The following UNC5D variants were observed in gnomAD, a reference collection of about 807,000 sequenced individuals.
UNC5D encodes netrin receptor UNC5D.
In UNC5D, 39 loss-of-function variants were observed where a neutral mutation model predicts 105.4. The observed-to-expected ratio is 0.37, with a 90% CI of 0.29 to 0.48. The LOEUF (loss-of-function observed/expected upper bound fraction) is 0.48, where lower values mean the gene tolerates loss of function less well. Among genes scored for constraint, UNC5D ranks in the 20% least tolerant of loss-of-function variants. The pLI is 0.98. For synonymous variants in UNC5D, 452 were observed against 450.4 expected (o/e 1.00, Z -0.04); for missense variants, 991 against 1,202.4 (o/e 0.82, Z 2.60).
chr8:35,727,296 A>G (rs1342629536), intron 10 of UNC5D: 1 of 152,202 alleles, frequency 6.6e-6, no homozygotes, highest in Non-Finnish European at 1.5e-5. Context: ...AGAATTAGGT[A>G]GTGCACTGAA....
At chr8:35,563,889 G>T (rs1817139877) in intron 2 of UNC5D, among the ~76,000 whole-genome samples, 2 of 151,884 alleles carry the variant, frequency 1.3e-5, no homozygotes, top group Admixed American at 1.3e-4. Context: ...CTTATTTTTG[G>T]TTCTGTTAAT....
chr8:35,279,268 A>C (rs1309877319), intron 1 of UNC5D, among the ~76,000 whole-genome samples: 3 of 152,212 alleles, frequency 2.0e-5, no homozygotes, highest in African/African-American at 7.2e-5. Context: ...TGTTTCTGAA[A>C]GAAAAAGGTA....
chr8:35,791,943 G>C lies in UNC5D; in HGVS notation c.*1380G>C, dbSNP rs1482162035. On this transcript the variant is annotated 3_prime_UTR_variant, in exon 17 of 17. Coordinates refer to ENST00000404895, the MANE Select transcript of UNC5D (RefSeq NM_080872.4). Reference sequence around the variant, plus strand: ...CTTTTTATCCTATTAAATTATTTTTGACAAGATGTCCTGGTAGACTAAAGG... The same window carrying C: ...CTTTTTATCCTATTAAATTATTTTTCACAAGATGTCCTGGTAGACTAAAGG... 6.6e-6 allele frequency: 1 copy of C among 151,500 alleles called. No homozygotes were observed. Among genetic ancestry groups the C allele is most frequent in the African/African-American group, 2.4e-5 (1 of 41,180 alleles). The allele number at this position is 151,500 out of a possible 1,614,324, so 9.4% of individuals were successfully genotyped here.
chr8:35,796,070 C>T lies in UNC5D; in HGVS notation c.*5507C>T, dbSNP rs1803240100. ...TCTTTCAAGTGATTCACATCTCAAA[C>T]CCATACCACTCTCAACTTTTATTTG... On this transcript the variant is annotated 3_prime_UTR_variant, in exon 17 of 17. Coordinates refer to ENST00000404895, the MANE Select transcript of UNC5D (RefSeq NM_080872.4). 1 of 151,986 alleles carries T rather than the reference C, an allele frequency of 6.6e-6. No individual in the cohort carries two copies. The allele number at this position is 151,986 out of a possible 1,614,324, so 9.4% of individuals were successfully genotyped here.
chr8:35,412,956 C>T (rs1257529868), intron 1 of UNC5D, among the ~76,000 whole-genome samples: 1 of 152,086 alleles, frequency 6.6e-6, no homozygotes, highest in Non-Finnish European at 1.5e-5. Context: ...TGCTTCATAA[C>T]ACACGTGTGG....
chr8:35,751,764 C>T (rs757940168), intron 13 of UNC5D, among the ~76,000 whole-genome samples: 25 of 152,172 alleles, frequency 1.6e-4, no homozygotes, highest in South Asian at 2.1e-4. Context: ...GCTAAACTAA[C>T]GCATGTGCAG....
At chr8:35,361,267 A>T (rs1276356151) in intron 1 of UNC5D, among the ~76,000 whole-genome samples, 2 of 152,044 alleles carry the variant, frequency 1.3e-5, no homozygotes, top group East Asian at 3.9e-4. Context: ...AAATATTGTC[A>T]CCTTTCTCTG....
chr8:35,294,849 AC>A (rs1807348622), intron 1 of UNC5D, among the ~76,000 whole-genome samples: 1 of 152,026 alleles, frequency 6.6e-6, no homozygotes, highest in Non-Finnish European at 1.5e-5. Context: ...TCTTGGGAAC[AC>A]TCAGCATCAC....
chr8:35,401,483 C>T (rs1328146801), intron 1 of UNC5D, among the ~76,000 whole-genome samples: 1 of 152,124 alleles, frequency 6.6e-6, no homozygotes, highest in Admixed American at 6.5e-5. Context: ...GACTCCATCT[C>T]AAAAAGGGAA....
In UNC5D at chr8:35,672,361, T is replaced by A. The variant is rs149839181; in HGVS notation, c.571-11186T>A. ...AATACAGAAGCAGTTTTCATTGCCT[T>A]TAAAAGCCAGCTCCTTATAATCTAT... On this transcript the variant is annotated intron_variant, in intron 4 of 16. Transcript: ENST00000404895. 3.3e-5 allele frequency among the ~76,000 whole-genome samples: 5 copies of A among 152,300 alleles called. No individual in the cohort carries two copies. The East Asian group carries it at 9.7e-4, about 29-fold the overall frequency.
chr8:35,564,945 T>C (rs774058585), intron 2 of UNC5D, among the ~76,000 whole-genome samples: 1 of 152,216 alleles, frequency 6.6e-6, no homozygotes, highest in Non-Finnish European at 1.5e-5. Flanking sequence ...TTTTTGTGGC[T>C]GAGTGGCGCT....
chr8:35,466,178 T>C (rs1257917892), intron 1 of UNC5D, among the ~76,000 whole-genome samples: 2 of 152,158 alleles, frequency 1.3e-5, no homozygotes, highest in African/African-American at 2.4e-5. Context: ...CTCATGCTGA[T>C]CATAATGTTG....
At chr8:35,727,615 T>C (rs979815758) in intron 10 of UNC5D, 1 of 152,206 alleles carries the variant, frequency 6.6e-6, no homozygotes, top group Non-Finnish European at 1.5e-5. Context: ...CTTAAAATCT[T>C]CATTTCAAAA....
chr8:35,360,277 T>C (rs1307400003), intron 1 of UNC5D, among the ~76,000 whole-genome samples: 1 of 152,178 alleles, frequency 6.6e-6, no homozygotes, highest in East Asian at 1.9e-4. Context: ...CAAATGTGAA[T>C]CACCTTTCCA....
chr8:35,483,382 A>G (rs894378891), intron 1 of UNC5D, among the ~76,000 whole-genome samples: 2 of 152,212 alleles, frequency 1.3e-5, no homozygotes, highest in East Asian at 1.9e-4. Flanking sequence ...TAAATAGTTC[A>G]GAATAGTTTA....
At chr8:35,749,234 AG>A in intron 12 of UNC5D, among the ~76,000 whole-genome samples, 1 of 152,306 alleles carries the variant, frequency 6.6e-6, no homozygotes, top group Non-Finnish European at 1.5e-5. Context: ...TGCAAACAAA[AG>A]GGATACAGTA....
rs756323216 is a variant in UNC5D at position 35,774,469 on chromosome 8, C to T, written c.2649C>T (p.Ser883=). ...KDWQMLAQKN[S]INRNLSYFAT... ...GGCAGATGTTAGCACAGAAAAACAGCATCAACAGGTAATTGGGGACAGCTT... is the reference window on the plus strand; with the variant it reads ...GGCAGATGTTAGCACAGAAAAACAGTATCAACAGGTAATTGGGGACAGCTT... Residue 883 remains serine, a synonymous_variant, in exon 16 of 17, where the codon AGC becomes AGT. Transcript: ENST00000404895. 1.2e-6 allele frequency: 2 copies of T among 1,613,978 alleles called. No individual in the cohort carries two copies. The highest frequency in any genetic ancestry group is 1.7e-6 in the Non-Finnish European group (2 of 1,179,950).
At chr8:35,362,979 T>G (rs1801932672) in intron 1 of UNC5D, among the ~76,000 whole-genome samples, 1 of 152,152 alleles carries the variant, frequency 6.6e-6, no homozygotes, top group African/African-American at 2.4e-5. Context: ...CCTACTAATA[T>G]CCTTTCTCTG....
At chr8:35,727,649 C>A (rs1318796460) in intron 10 of UNC5D, 1 of 152,110 alleles carries the variant, frequency 6.6e-6, no homozygotes, top group Non-Finnish European at 1.5e-5. Flanking sequence ...ATCAAAATAG[C>A]CCTCAATGGC....
Sources: gnomAD v4.1 joint callset for allele counts (sites outside exome capture counted in the v4.1 genomes callset) on GRCh38, gnomAD v4.1.1 for gene constraint, MANE v1.5 for transcripts, NCBI Gene and HGNC (gene_info 2026-07-23, HGNC 2026-07-21) for gene names.